The following NCEH1 variants were observed in gnomAD, a reference collection of about 807,000 sequenced individuals.
The protein encoded by NCEH1 is 2-acetyl MAGE hydrolase.
NCEH1 carries 9 observed loss-of-function variants against 25.4 expected under a neutral mutation model. The ratio of observed to expected loss-of-function variants is 0.35; its 90% CI spans 0.21 to 0.62. The LOEUF (loss-of-function observed/expected upper bound fraction) is 0.62, where lower values mean the gene tolerates loss of function less well. Among genes scored for constraint, NCEH1 ranks in the 20% least tolerant of loss-of-function variants. The pLI is 0.72. For synonymous variants in NCEH1, 200 were observed against 199.8 expected (o/e 1.00, Z -0.01); for missense variants, 412 against 501.1 (o/e 0.82, Z 1.70).
chr3:172,655,547 T>C (rs1381910963), intron 1 of NCEH1, among the ~76,000 whole-genome samples: 1 of 152,220 alleles, frequency 6.6e-6, no homozygotes, highest in African/African-American at 2.4e-5. Context: ...AAACAGATGT[T>C]TCTGGTCACA....
chr3:172,634,901 G>T (rs1205014849), intron 4 of NCEH1, among the ~76,000 whole-genome samples: 1 of 152,196 alleles, frequency 6.6e-6, no homozygotes, highest in African/African-American at 2.4e-5. Context: ...TCCCAGGTGA[G>T]ATATGACTGC....
intron 3 of NCEH1, among the ~76,000 whole-genome samples, chr3:172,641,643 G>A (rs1028298384): frequency 7.2e-5 from 11 of 152,172 alleles, no homozygotes; most frequent in African/African-American, 1.2e-4. Flanking sequence ...AGAACCAAGC[G>A]TCCACCATCC....
intron 1 of NCEH1, chr3:172,680,800 G>A (rs984038210): frequency 6.6e-6 from 1 of 152,224 alleles, no homozygotes; most frequent in African/African-American, 2.4e-5. Context: ...ACTGAGTGGA[G>A]ACTGACAGCA....
intron 1 of NCEH1, among the ~76,000 whole-genome samples, chr3:172,706,744 G>A (rs1246579573): frequency 1.3e-5 from 2 of 151,636 alleles, no homozygotes; most frequent in Admixed American, 6.6e-5. Flanking sequence ...CAGGTAACCC[G>A]CCCGCCTCGA....
intron 1 of NCEH1, among the ~76,000 whole-genome samples, chr3:172,705,691 A>T (rs1233147864): frequency 6.6e-6 from 1 of 152,058 alleles, no homozygotes; most frequent in Non-Finnish European, 1.5e-5. Flanking sequence ...CTTGTATGCA[A>T]GCCCCTAATA....
At chr3:172,702,711 C>T (rs1471742042) in intron 1 of NCEH1, among the ~76,000 whole-genome samples, 5 of 152,170 alleles carry the variant, frequency 3.3e-5, no homozygotes, top group African/African-American at 4.8e-5. Context: ...CAGGTAGGCA[C>T]GGTGGCTTAT....
At chr3:172,643,161 G>T (rs1407882570) in intron 3 of NCEH1, among the ~76,000 whole-genome samples, 4 of 151,982 alleles carry the variant, frequency 2.6e-5, no homozygotes, top group Non-Finnish European at 4.4e-5. Flanking sequence ...GGCTGGTCTC[G>T]AACTCCCGAC....
chr3:172,670,640 T>C (rs1298192677), intron 1 of NCEH1, among the ~76,000 whole-genome samples: 2 of 152,204 alleles, frequency 1.3e-5, no homozygotes, highest in Non-Finnish European at 2.9e-5. Context: ...TATAAAATCC[T>C]CCCCATATAT....
intron 1 of NCEH1, among the ~76,000 whole-genome samples, chr3:172,706,106 T>C (rs893245783): frequency 2.8e-4 from 42 of 150,826 alleles, no homozygotes; most frequent in African/African-American, 1.0e-3. Flanking sequence ...CTGAGGTTAA[T>C]GGGGGTTTGG....
rs187986467 is a variant in NCEH1, at chr3:172,677,744, C to G, written c.139-29630G>C. Among the ~76,000 whole-genome samples the G allele has an allele frequency of 1.6e-3, 250 of 152,266 alleles. 2 individuals are homozygous for G. The highest frequency in any genetic ancestry group is 6.8e-3 in the Middle Eastern group (2 of 294). The stretch of plus-strand genomic sequence containing the variant: ...GAGATTGAGACCATCCTGGCTAACA[C>G]AGCGAAACCCCGTCTCTACTAAAAA... On this transcript the variant is annotated intron_variant, in intron 1 of 4. Transcript: ENST00000475381.
chr3:172,655,362 T>G (rs937242632), intron 1 of NCEH1, among the ~76,000 whole-genome samples: 16 of 152,144 alleles, frequency 1.1e-4, no homozygotes, highest in African/African-American at 3.6e-4. Flanking sequence ...GACAGTAAAA[T>G]CTGGTGGCGC....
chr3:172,671,733 T>C (rs753487306), intron 1 of NCEH1, among the ~76,000 whole-genome samples: 2 of 151,928 alleles, frequency 1.3e-5, no homozygotes, highest in Non-Finnish European at 2.9e-5. Flanking sequence ...ATGTAGCATG[T>C]ATATATACAT....
intron 1 of NCEH1, among the ~76,000 whole-genome samples, chr3:172,656,099 A>G (rs750768457): frequency 6.6e-6 from 1 of 152,224 alleles, no homozygotes; most frequent in Non-Finnish European, 1.5e-5. Context: ...GGACAGTTTC[A>G]TCCAAGATAT....
chr3:172,659,286 CT>C (rs567917505), intron 1 of NCEH1, among the ~76,000 whole-genome samples: 142 of 132,964 alleles, frequency 1.1e-3, no homozygotes, highest in African/African-American at 4.8e-3. Flanking sequence ...TATCGGGAGG[CT>C]GAGAGCAAAA....
At chr3:172,701,194 C>G (rs142796475) in intron 1 of NCEH1, among the ~76,000 whole-genome samples, 3 of 152,306 alleles carry the variant, frequency 2.0e-5, no homozygotes, top group Non-Finnish European at 4.4e-5. Flanking sequence ...TGGACTAGTC[C>G]ACTGACACTT....
intron 1 of NCEH1, among the ~76,000 whole-genome samples, chr3:172,685,851 T>G (rs1180518067): frequency 6.6e-6 from 1 of 152,218 alleles, no homozygotes; most frequent in Non-Finnish European, 1.5e-5. Flanking sequence ...CTTTCCAGGC[T>G]TTTGTAGCCT....
chr3:172,702,738 CT>C (rs1322902572), intron 1 of NCEH1, among the ~76,000 whole-genome samples: 3 of 152,310 alleles, frequency 2.0e-5, no homozygotes, highest in Non-Finnish European at 2.9e-5. Flanking sequence ...GATCCCAGCA[CT>C]TTGGGAAGCC....
chr3:172,688,942 G>A (rs1012695464), intron 1 of NCEH1, among the ~76,000 whole-genome samples: 3 of 152,190 alleles, frequency 2.0e-5, no homozygotes, highest in East Asian at 1.9e-4. Flanking sequence ...TTCAGAGCAC[G>A]TAAATGTCTT....
chr3:172,710,338 G>A (rs920766864), intron 1 of NCEH1, among the ~76,000 whole-genome samples: 1 of 152,180 alleles, frequency 6.6e-6, no homozygotes, highest in Admixed American at 6.5e-5. Context: ...CCTGCCTGCT[G>A]TCTCCGGGAA....
Sources: allele counts gnomAD v4.1 joint callset (sites outside exome capture counted in the v4.1 genomes callset), GRCh38; gene constraint gnomAD v4.1.1; transcripts MANE v1.5; gene names NCBI Gene and HGNC (gene_info 2026-07-23, HGNC 2026-07-21).